Variants in TP53BP2 observed in about 807,000 individuals in gnomAD.
The protein encoded by TP53BP2 is tumor protein p53 binding protein 2.
In TP53BP2, 62 loss-of-function variants were observed where a neutral mutation model predicts 126.2. The observed-to-expected ratio is 0.49, with a 90% CI of 0.40 to 0.61. The LOEUF (loss-of-function observed/expected upper bound fraction) is 0.61, where lower values mean the gene tolerates loss of function less well. TP53BP2 is among the 20% of genes least tolerant of loss of function. TP53BP2 has a pLI of 0.00. For missense variants in TP53BP2, 1,215 were observed against 1,402.8 expected, an observed-to-expected ratio of 0.87 and a Z score of 2.14; for synonymous variants, 485 against 502.9, an observed-to-expected ratio of 0.96 and a Z score of 0.48.
In TP53BP2 at chr1:223,802,186, C is replaced by T. The variant is rs769976590; in HGVS notation, c.1155G>A (p.Gln385=). ...GTATTTTCATCGGCCCCTCTGAAGC[C>T]TGAATGACCAAGGAACCATCCGGCA... is the stretch of plus-strand genomic sequence containing the variant. ...PALPDGSLVI[Q]ASEGPMKIQT... is the part of the protein sequence containing the mutation. The change falls in exon 9 of 18, where the codon CAG becomes CAA. Residue 385 remains glutamine (Q), a synonymous_variant. Coordinates refer to ENST00000343537, the MANE Select transcript of TP53BP2 (RefSeq NM_001031685.3). The T allele has an allele frequency of 6.2e-7, 1 of 1,614,156 alleles. No homozygotes were observed.
At chr1:223,792,327 C>T (rs1257488272) in intron 15 of TP53BP2, 62 bp downstream of exon 15, 1 of 1,536,502 alleles carries the variant, frequency 6.5e-7, no homozygotes, top group African/African-American at 1.4e-5. Flanking sequence ...AGCACTATGA[C>T]AACTGCTTAT....
chr1:223,841,156 T>C (rs559941962), intron 1 of TP53BP2, among the ~76,000 whole-genome samples: 6 of 152,260 alleles, frequency 3.9e-5, no homozygotes, highest in African/African-American at 1.4e-4. Flanking sequence ...GGCACAGAAC[T>C]GCTTTAACCC....
chr1:223,798,143 T>C (rs563761006), intron 12 of TP53BP2, 72 bp downstream of exon 12: 87 of 1,411,964 alleles, frequency 6.2e-5, no homozygotes, highest in Non-Finnish European at 8.1e-5. Flanking sequence ...GTTATTTTGC[T>C]GTCTGCTGAG....
rs979787953 is a variant in TP53BP2 at position 223,802,243 on chromosome 1, G to A, written c.1098C>T (p.Pro366=). Residue 366 remains proline (P), a synonymous_variant, in exon 9 of 18, where the codon CCC becomes CCT. Transcript: ENST00000343537. The stretch of plus-strand genomic sequence containing the variant: ...GCTTCACCAGCAATTCAGGCCTTGA[G>A]GGCATCCGAGGCATAGTAGACGACT... ...YIQSSTMPRM[P]SRPELLVKPA... 2.5e-6 allele frequency: 4 copies of A among 1,614,064 alleles called. No homozygotes were observed. Among genetic ancestry groups the A allele is most frequent in the Non-Finnish European group, 3.4e-6 (4 of 1,180,040 alleles).
rs777158212 is a variant in TP53BP2, at chr1:223,803,264, G to C, written c.831+7C>G. ...TGTACAGCTTTTGGCAAACAGCTAC[G>C]GTCTACCTGCAGCTCCTTATAGAGG... On this transcript the variant is annotated splice_region_variant and intron_variant, in intron 7 of 17. Coordinates refer to ENST00000343537, the MANE Select transcript of TP53BP2 (RefSeq NM_001031685.3). 6.2e-7 allele frequency: 1 copy of C among 1,603,206 alleles called. No individual in the cohort carries two copies. Among genetic ancestry groups the C allele is most frequent in the East Asian group, 2.2e-5 (1 of 44,690 alleles).
chr1:223,833,883 G>A (rs1663827958), intron 1 of TP53BP2, among the ~76,000 whole-genome samples: 1 of 152,238 alleles, frequency 6.6e-6, no homozygotes, highest in Non-Finnish European at 1.5e-5. Flanking sequence ...ACACAAATGA[G>A]CATGGTATAT....
At chr1:223,825,588 T>C (rs1663468231) in intron 1 of TP53BP2, among the ~76,000 whole-genome samples, 2 of 152,226 alleles carry the variant, frequency 1.3e-5, no homozygotes, top group African/African-American at 4.8e-5. Flanking sequence ...GAGTGTGTTG[T>C]CCACTCATAT....
chr1:223,834,087 A>T (rs1305519981), intron 1 of TP53BP2, among the ~76,000 whole-genome samples: 1 of 152,218 alleles, frequency 6.6e-6, no homozygotes, highest in Non-Finnish European at 1.5e-5. Flanking sequence ...TGACCAGAAA[A>T]AAACGCCACA....
rs748494319 is a variant in TP53BP2, at chr1:223,800,799, G to A, written c.1237C>T (p.His413Tyr). ...AASQTKGSKIHPVGPDWSPSN... is the reference protein window; with the variant it reads ...AASQTKGSKIYPVGPDWSPSN... Reference sequence around the variant, plus strand: ...GGACTCCAATCAGGGCCAACTGGATGGATTTTAGAGCCTAAAATACAGAAA... The same window carrying A: ...GGACTCCAATCAGGGCCAACTGGATAGATTTTAGAGCCTAAAATACAGAAA... The change falls in exon 10 of 18, where the codon CAT (histidine) becomes TAT (tyrosine). Residue 413 changes from histidine (H) to tyrosine (Y), a missense_variant. Around this residue, in one of 4 missense-constraint regions of TP53BP2, gnomAD observed 814 missense variants for 853.0 expected, o/e 0.95. Coordinates refer to ENST00000343537, the MANE Select transcript of TP53BP2 (RefSeq NM_001031685.3). The A allele has an allele frequency of 9.4e-6, 15 of 1,601,328 alleles. No individual in the cohort carries two copies. Among genetic ancestry groups the A allele is most frequent in the East Asian group, 6.8e-5 (3 of 44,226 alleles).
chr1:223,819,580 G>A (rs1470417760), intron 2 of TP53BP2, among the ~76,000 whole-genome samples: 1 of 151,956 alleles, frequency 6.6e-6, no homozygotes, highest in African/African-American at 2.4e-5. Context: ...CAGCTACTCG[G>A]GAGGCTGAGG....
In TP53BP2 at chr1:223,788,663, T is replaced by C. The variant is rs980516232; in HGVS notation, c.3163+345A>G. ...TGATCCTTCACTTCTCTTGATCATGTTGTTAGGAGAGGGGGGTCTGTTTAC... is the reference window on the plus strand; with the variant it reads ...TGATCCTTCACTTCTCTTGATCATGCTGTTAGGAGAGGGGGGTCTGTTTAC... On this transcript the variant is annotated intron_variant, in intron 16 of 17. Transcript: ENST00000343537. Among the ~76,000 whole-genome samples the C allele has an allele frequency of 2.0e-5, 3 of 152,170 alleles. No individual in the cohort carries two copies. In the East Asian group the frequency reaches 5.8e-4, roughly 29 times the overall value.
At position 223,845,765 on chromosome 1, in the gene TP53BP2, G is replaced by C. The variant is rs1664253637; in HGVS notation, c.-85C>G. On this transcript the variant is annotated 5_prime_UTR_variant, in exon 1 of 18. Transcript: ENST00000343537. ...TGCGGGGGAGGGGAGCGGAGAGCGA[G>C]GCCGCCCGGACCTGTTGCGAGGCGG... 1 of 1,354,200 alleles carries C rather than the reference G, an allele frequency of 7.4e-7. No individual in the cohort carries two copies. Among genetic ancestry groups the C allele is most frequent in the Non-Finnish European group, 9.6e-7 (1 of 1,042,788 alleles). The allele number at this position is 1,354,200 out of a possible 1,614,324, so 83.9% of individuals were successfully genotyped here.
In TP53BP2 at chr1:223,802,720, G is replaced by A. The variant is rs763742681; in HGVS notation, c.996+11C>T. ...CTCCTCCCCAAAACCATTACAAAAC[G>A]GCCCACTTACTGGTAGATTTTCTTT... On this transcript the variant is annotated intron_variant, in intron 8 of 17. Coordinates refer to ENST00000343537, the MANE Select transcript of TP53BP2 (RefSeq NM_001031685.3). 101 of 1,613,636 alleles carry A rather than the reference G, an allele frequency of 6.3e-5. No homozygotes were observed. Among genetic ancestry groups the A allele is most frequent in the Non-Finnish European group, 7.9e-5 (93 of 1,179,874 alleles).
intron 1 of TP53BP2, among the ~76,000 whole-genome samples, chr1:223,842,772 G>C (rs1448386230): frequency 2.0e-5 from 3 of 152,156 alleles, no homozygotes; most frequent in Non-Finnish European, 2.9e-5. Flanking sequence ...AAGAATTTTT[G>C]CTTTTGGTAA....
chr1:223,801,426 G>C (rs1052815184), intron 9 of TP53BP2, among the ~76,000 whole-genome samples: 2 of 152,128 alleles, frequency 1.3e-5, no homozygotes, highest in Non-Finnish European at 2.9e-5. Context: ...ATAATTGTAA[G>C]AGAACAGAGA....
intron 1 of TP53BP2, among the ~76,000 whole-genome samples, chr1:223,828,362 T>G (rs1265425895): frequency 3.9e-5 from 6 of 152,246 alleles, no homozygotes; most frequent in Non-Finnish European, 8.8e-5. Flanking sequence ...GATGACTAAG[T>G]GAATTTTTAG....
chr1:223,809,536 C>T (rs914126988), intron 4 of TP53BP2, among the ~76,000 whole-genome samples: 4 of 152,028 alleles, frequency 2.6e-5, no homozygotes, highest in Admixed American at 2.0e-4. Context: ...CACTGCACTC[C>T]AGCCTGGGCA....
At chr1:223,826,532 G>A (rs919929067) in intron 1 of TP53BP2, among the ~76,000 whole-genome samples, 3 of 152,168 alleles carry the variant, frequency 2.0e-5, no homozygotes, top group Non-Finnish European at 4.4e-5. Flanking sequence ...CAGGAGCTGC[G>A]GGAAGGGGAA....
At chr1:223,785,537 A>G (rs1417810052) in intron 16 of TP53BP2, among the ~76,000 whole-genome samples, 1 of 152,222 alleles carries the variant, frequency 6.6e-6, no homozygotes, top group Non-Finnish European at 1.5e-5. Context: ...ATATTTTAGT[A>G]TACTCAAAAT....
Sources: allele counts gnomAD v4.1 joint callset (sites outside exome capture counted in the v4.1 genomes callset), GRCh38; gene constraint gnomAD v4.1.1; regional missense constraint gnomAD v4.1.1; transcripts MANE v1.5; gene names NCBI Gene and HGNC (gene_info 2026-07-23, HGNC 2026-07-21).